Variants in CACNA2D1 observed in about 807,000 individuals in gnomAD.
CACNA2D1 encodes the protein calcium voltage-gated channel auxiliary subunit alpha2delta 1.
Under a neutral mutation model 171.5 loss-of-function variants are expected in CACNA2D1, and 53 were observed. The ratio of observed to expected loss-of-function variants is 0.31; its 90% confidence interval spans 0.25 to 0.39. The LOEUF (loss-of-function observed/expected upper bound fraction) is 0.39, where lower values mean the gene tolerates loss of function less well. CACNA2D1 is among the 10% of genes least tolerant of loss of function. The pLI is 1.00. For missense variants in CACNA2D1, 903 were observed against 1,299.8 expected, an observed-to-expected ratio of 0.69 and a Z score of 4.69; for synonymous variants, 442 against 443.1, an observed-to-expected ratio of 1.00 and a Z score of 0.03.
intron 34 of CACNA2D1, 74 bp downstream of exon 34, chr7:81,963,982 A>G: frequency 1.6e-6 from 2 of 1,246,968 alleles, no homozygotes; most frequent in Non-Finnish European, 2.3e-6. Flanking sequence ...CCCTAAATCC[A>G]TATTTTCATC....
intron 3 of CACNA2D1, among the ~76,000 whole-genome samples, chr7:82,223,288 T>C (rs992696822): frequency 1.3e-5 from 2 of 152,198 alleles, no homozygotes; most frequent in African/African-American, 2.4e-5. Context: ...TTCCAAAGCA[T>C]TGGATTCCAA....
chr7:82,325,742 A>G (rs1168872806), intron 3 of CACNA2D1, among the ~76,000 whole-genome samples: 1 of 152,214 alleles, frequency 6.6e-6, no homozygotes, highest in East Asian at 1.9e-4. Context: ...TAAACAAATG[A>G]CAGGACACAC....
Position 81,948,854 on chromosome 7 carries a change from G to C in CACNA2D1, c.*1538C>G, listed in dbSNP as rs1792252355. On this transcript the variant is annotated 3_prime_UTR_variant, in exon 39 of 39. Transcript: ENST00000356860. ...TTGCTCCAGAAAATAATTTTTAAAA[G>C]CATAAATAATCTGCTACCATATTAG... The C allele has an allele frequency of 6.6e-6, 1 of 151,766 alleles. No homozygotes were observed. The highest frequency in any genetic ancestry group is 2.4e-5 in the African/African-American group (1 of 41,366). The allele number at this position is 151,766 out of a possible 1,614,324, so 9.4% of individuals were successfully genotyped here. A position where few individuals can be genotyped will look rare whatever the true frequency, so the allele number is the denominator to read the frequency against.
chr7:82,004,445 T>C (rs1798919864), intron 18 of CACNA2D1, among the ~76,000 whole-genome samples: 2 of 151,476 alleles, frequency 1.3e-5, no homozygotes, highest in Middle Eastern at 3.5e-3. Flanking sequence ...GTAATATTAT[T>C]TAATGTATTA....
chr7:82,112,865 T>A (rs909687768), intron 6 of CACNA2D1, among the ~76,000 whole-genome samples: 5 of 152,198 alleles, frequency 3.3e-5, no homozygotes, highest in Non-Finnish European at 7.4e-5. Flanking sequence ...CGGCTATATC[T>A]TTTAAGATAA....
intron 3 of CACNA2D1, among the ~76,000 whole-genome samples, chr7:82,254,931 T>C (rs17156071): frequency 0.036 from 5,500 of 152,224 alleles, 236 homozygotes; most frequent in East Asian, 0.1. Context: ...ACTTAGATTC[T>C]GGTTTCATCA....
At chr7:82,302,549 G>A (rs1443037494) in intron 3 of CACNA2D1, among the ~76,000 whole-genome samples, 1 of 151,846 alleles carries the variant, frequency 6.6e-6, no homozygotes, top group Non-Finnish European at 1.5e-5. Flanking sequence ...CCAGTAGCTG[G>A]GAAACAGGCA....
intron 3 of CACNA2D1, among the ~76,000 whole-genome samples, chr7:82,264,125 T>C (rs1287203593): frequency 6.6e-6 from 1 of 152,214 alleles, no homozygotes; most frequent in Non-Finnish European, 1.5e-5. Flanking sequence ...TTTCCTTTGC[T>C]TCTCAACACA....
At position 82,337,426 on chromosome 7, in the gene CACNA2D1, A is replaced by C. The variant is rs549966951; in HGVS notation, c.178-2175T>G. 7.9e-5 allele frequency among the ~76,000 whole-genome samples: 12 copies of C among 152,312 alleles called. 1 individual carries two copies. In the South Asian group the frequency reaches 2.5e-3, roughly 32 times the overall value. On this transcript the variant is annotated intron_variant, in intron 2 of 38. Transcript: ENST00000356860. ...ATATGTTTAGTAAATAATTTTCAGAATAGAAGGTTTCATATGGATTTTTAT... is the reference window on the plus strand; with the variant it reads ...ATATGTTTAGTAAATAATTTTCAGACTAGAAGGTTTCATATGGATTTTTAT...
Position 82,407,175 on chromosome 7 carries a change from GA to G in CACNA2D1, c.95+36189del, listed in dbSNP as rs752676924. 3.5e-4 allele frequency among the ~76,000 whole-genome samples: 54 copies of G among 152,290 alleles called. 1 individual carries two copies. The Middle Eastern group carries it at 0.014, about 38-fold the overall frequency. ...TCAACTCTGCTCAAGTGAATTCTGT[GA>G]CATCTGCTTACCAGAGAGCACACAT... On this transcript the variant is annotated intron_variant, in intron 1 of 38. Coordinates refer to ENST00000356860, the MANE Select transcript of CACNA2D1 (RefSeq NM_000722.4).
At chr7:82,125,753 T>G (rs545062514) in intron 5 of CACNA2D1, among the ~76,000 whole-genome samples, 1 of 152,290 alleles carries the variant, frequency 6.6e-6, no homozygotes, top group African/African-American at 2.4e-5. Context: ...CCTATAATGA[T>G]ATGAAAACAA....
chr7:82,067,853 T>A lies in CACNA2D1; in HGVS notation c.659-1329A>T, dbSNP rs953477699. On this transcript the variant is annotated intron_variant, in intron 7 of 38. Coordinates refer to ENST00000356860, the MANE Select transcript of CACNA2D1 (RefSeq NM_000722.4). ...TAGGGTCTTAGTAATACCTAAAATTTTATAGAAATTGTATCCTACTTTCAG... is the reference window on the plus strand; with the variant it reads ...TAGGGTCTTAGTAATACCTAAAATTATATAGAAATTGTATCCTACTTTCAG... 4.6e-5 allele frequency among the ~76,000 whole-genome samples: 7 copies of A among 152,248 alleles called. No individual in the cohort carries two copies. The South Asian group carries it at 1.5e-3, about 32-fold the overall frequency.
intron 4 of CACNA2D1, among the ~76,000 whole-genome samples, chr7:82,139,197 C>T (rs1196203093): frequency 8.5e-5 from 13 of 152,134 alleles, no homozygotes; most frequent in Non-Finnish European, 1.6e-4. Context: ...TGTAGGATTA[C>T]ACTTGGTCCA....
At chr7:82,043,298 CAT>C (rs1216798327) in intron 10 of CACNA2D1, among the ~76,000 whole-genome samples, 4 of 152,160 alleles carry the variant, frequency 2.6e-5, no homozygotes, top group Non-Finnish European at 5.9e-5. Flanking sequence ...GAACATCTAA[CAT>C]AGAGTCTGAC....
intron 18 of CACNA2D1, among the ~76,000 whole-genome samples, chr7:82,002,885 A>G (rs2130848104): frequency 6.6e-6 from 1 of 152,284 alleles, no homozygotes; most frequent in East Asian, 1.9e-4. Flanking sequence ...TTCTACAAAA[A>G]AAAAAAGAGG....
chr7:82,371,269 A>G (rs567653574), intron 1 of CACNA2D1, among the ~76,000 whole-genome samples: 1 of 152,318 alleles, frequency 6.6e-6, no homozygotes, highest in Admixed American at 6.5e-5. Context: ...GGTTATAGCA[A>G]AGTGATGGGT....
chr7:82,203,732 G>A (rs1799722491), intron 3 of CACNA2D1, among the ~76,000 whole-genome samples: 1 of 152,204 alleles, frequency 6.6e-6, no homozygotes, highest in African/African-American at 2.4e-5. Context: ...CTCAGCTATG[G>A]AAAGGAGCTG....
intron 12 of CACNA2D1, among the ~76,000 whole-genome samples, chr7:82,030,673 A>C (rs1802579679): frequency 1.3e-5 from 2 of 151,826 alleles, no homozygotes; most frequent in Admixed American, 6.6e-5. Context: ...GAAAAAAATG[A>C]TTTATTTACA....
chr7:82,391,051 C>CA (rs1825065716), intron 1 of CACNA2D1, among the ~76,000 whole-genome samples: 1 of 151,958 alleles, frequency 6.6e-6, no homozygotes, highest in Admixed American at 6.6e-5. Context: ...AAAACTCTGC[C>CA]AAAAAGCTGT....
Sources: gnomAD v4.1 joint callset for allele counts (sites outside exome capture counted in the v4.1 genomes callset) on GRCh38, gnomAD v4.1.1 for gene constraint, MANE v1.5 for transcripts, NCBI Gene and HGNC (gene_info 2026-07-23, HGNC 2026-07-21) for gene names.